Variants in KAZN observed in about 807,000 individuals in gnomAD.
KAZN encodes the protein kazrin.
In KAZN, 40 loss-of-function variants were observed where a neutral mutation model predicts 87.4. The ratio of observed to expected loss-of-function variants is 0.46; its 90% CI spans 0.36 to 0.60. KAZN has a LOEUF of 0.60. Among genes scored for constraint, KAZN ranks in the 20% least tolerant of loss-of-function variants. The pLI is 0.00. For missense variants in KAZN, 898 were observed against 1,073.9 expected, an observed-to-expected ratio of 0.84 and a Z score of 2.29; for synonymous variants, 466 against 458.3, an observed-to-expected ratio of 1.02 and a Z score of -0.22.
chr1:13,901,287 G>A (rs765120701), intron 1 of KAZN, among the ~76,000 whole-genome samples: 10 of 152,070 alleles, frequency 6.6e-5, no homozygotes, highest in East Asian at 1.9e-4. Context: ...TAAATCATAC[G>A]GTCACCCTTA....
chr1:14,180,164 A>G (rs1646166824), intron 1 of KAZN, among the ~76,000 whole-genome samples: 1 of 151,914 alleles, frequency 6.6e-6, no homozygotes, highest in Admixed American at 6.6e-5. Flanking sequence ...AGGACTAGAT[A>G]CTCCATGAAG....
At chr1:14,145,716 G>A (rs1645334201) in intron 1 of KAZN, among the ~76,000 whole-genome samples, 2 of 152,052 alleles carry the variant, frequency 1.3e-5, no homozygotes, top group South Asian at 4.2e-4. Context: ...AAGTAGCTGG[G>A]ATTACAGGCA....
chr1:14,171,650 G>A (rs1312294717), intron 1 of KAZN, among the ~76,000 whole-genome samples: 2 of 152,292 alleles, frequency 1.3e-5, no homozygotes, highest in South Asian at 2.1e-4. Context: ...TTGGTCATTA[G>A]TTCATATCTA....
intron 2 of KAZN, among the ~76,000 whole-genome samples, chr1:14,553,236 C>T (rs533476011): frequency 6.6e-6 from 1 of 152,186 alleles, no homozygotes; most frequent in Non-Finnish European, 1.5e-5. Flanking sequence ...AATTACCCAG[C>T]CATGGTAGTG....
At chr1:14,898,734 C>T (rs1655533443) in intron 1 of KAZN, among the ~76,000 whole-genome samples, 1 of 152,122 alleles carries the variant, frequency 6.6e-6, no homozygotes, top group African/African-American at 2.4e-5. Context: ...TGTGGCACAG[C>T]TTACAGAACA....
At chr1:14,694,244 C>T (rs1641479957) in intron 1 of KAZN, among the ~76,000 whole-genome samples, 1 of 152,226 alleles carries the variant, frequency 6.6e-6, no homozygotes, top group Admixed American at 6.5e-5. Flanking sequence ...TCAGGCAGCT[C>T]CCAGCTGCCT....
intron 1 of KAZN, among the ~76,000 whole-genome samples, chr1:14,829,733 C>T (rs996588547): frequency 2.6e-5 from 4 of 152,162 alleles, no homozygotes; most frequent in South Asian, 2.1e-4. Context: ...GTCAAAGAAG[C>T]GTGACAAATT....
chr1:14,096,944 G>A (rs1375065834), intron 1 of KAZN, among the ~76,000 whole-genome samples: 1 of 152,234 alleles, frequency 6.6e-6, no homozygotes, highest in African/African-American at 2.4e-5. Context: ...ATGGAGCCCA[G>A]GCTTTTCTCA....
chr1:14,268,109 A>G (rs1307289530), intron 2 of KAZN, among the ~76,000 whole-genome samples: 7 of 152,332 alleles, frequency 4.6e-5, no homozygotes, highest in Admixed American at 6.5e-5. Flanking sequence ...GGTACCTGCA[A>G]TCAAGCTAAG....
intron 1 of KAZN, among the ~76,000 whole-genome samples, chr1:13,970,615 G>A (rs10927972): frequency 0.42 from 63,827 of 152,104 alleles, 13,711 homozygotes; most frequent in East Asian, 0.64. Flanking sequence ...AAGGCAGGGG[G>A]ATAGAGGATT....
At chr1:14,708,021 C>G (rs1342091646) in intron 1 of KAZN, among the ~76,000 whole-genome samples, 1 of 152,010 alleles carries the variant, frequency 6.6e-6, no homozygotes, top group Non-Finnish European at 1.5e-5. Context: ...TTTGAAATCC[C>G]AGGTCTGTGA....
At position 14,616,263 on chromosome 1, in the gene KAZN, A is replaced by G. The variant is rs1166192506; in HGVS notation, c.226+17040A>G. On this transcript the variant is annotated intron_variant, in intron 1 of 14. Coordinates refer to ENST00000376030, the MANE Select transcript of KAZN (RefSeq NM_201628.3). ...TCTTGGTCCAATTTGTGTTACCCTG[A>G]CCCCCAAGCTTCCTCATGCGGTGTC... Among the ~76,000 whole-genome samples the G allele has an allele frequency of 2.0e-5, 3 of 151,822 alleles. No individual in the cohort carries two copies. The East Asian group carries it at 5.8e-4, about 29-fold the overall frequency.
intron 2 of KAZN, among the ~76,000 whole-genome samples, chr1:14,500,727 T>C (rs1670190333): frequency 6.6e-6 from 1 of 152,012 alleles, no homozygotes; most frequent in Non-Finnish European, 1.5e-5. Context: ...TCAAATGACT[T>C]AAACCAGGAA....
intron 2 of KAZN, among the ~76,000 whole-genome samples, chr1:14,387,289 A>G (rs1387593244): frequency 6.6e-6 from 1 of 152,112 alleles, no homozygotes; most frequent in African/African-American, 2.4e-5. Flanking sequence ...TAATTTGATC[A>G]TCTGAAGCCT....
intron 10 of KAZN, among the ~76,000 whole-genome samples, chr1:15,098,214 A>C (rs990066613): frequency 6.6e-6 from 1 of 152,252 alleles, no homozygotes; most frequent in Admixed American, 6.5e-5. Context: ...TTCAGAGTCT[A>C]ATCCGGCTCC....
intron 1 of KAZN, among the ~76,000 whole-genome samples, chr1:14,602,413 GA>G (rs2148602668): frequency 6.6e-6 from 1 of 152,322 alleles, no homozygotes; most frequent in South Asian, 2.1e-4. Flanking sequence ...ACACATTTCA[GA>G]GCTCCAGAGG....
intron 2 of KAZN, among the ~76,000 whole-genome samples, chr1:14,257,984 AAAAG>A (rs912063997): frequency 7.4e-5 from 11 of 149,046 alleles, no homozygotes; most frequent in East Asian, 2.0e-4. Flanking sequence ...AGAAAAAAAA[AAAAG>A]AAAAGAAGGG....
intron 2 of KAZN, among the ~76,000 whole-genome samples, chr1:14,333,641 G>C (rs1189408055): frequency 6.6e-6 from 1 of 152,134 alleles, no homozygotes; most frequent in African/African-American, 2.4e-5. Context: ...ATAATAAATG[G>C]GGAAAATAAA....
intron 1 of KAZN, among the ~76,000 whole-genome samples, chr1:13,943,217 T>G (rs976775991): frequency 7.9e-5 from 12 of 152,170 alleles, no homozygotes; most frequent in Non-Finnish European, 5.9e-5. Context: ...AAGAAGATAC[T>G]ACTTTCAAAA....
Sources: allele counts gnomAD v4.1 joint callset (sites outside exome capture counted in the v4.1 genomes callset), GRCh38; gene constraint gnomAD v4.1.1; transcripts MANE v1.5; gene names NCBI Gene and HGNC (gene_info 2026-07-23, HGNC 2026-07-21).